Variants in ARK2C observed in about 807,000 individuals in gnomAD.
ARK2C encodes arkadia (RNF111) C-terminal like ring finger ubiquitin ligase 2C, also known as E3 ubiquitin-protein ligase ARK2C.
At chr18:46,367,780 T>C in the ARK2C span, among the ~76,000 whole-genome samples, 2 of 152,364 alleles carry the variant, frequency 1.3e-5, no homozygotes, top group Middle Eastern at 3.4e-3. Flanking sequence ...GTTAGAGGTA[T>C]GGCTCTCAAG....
the ARK2C span, among the ~76,000 whole-genome samples, chr18:46,368,315 A>T: frequency 1.3e-5 from 2 of 152,150 alleles, no homozygotes; most frequent in Non-Finnish European, 2.9e-5. Flanking sequence ...ATGTTGGTTT[A>T]AGCACTTACT....
chr18:46,406,592 G>C, the ARK2C span, among the ~76,000 whole-genome samples: 1 of 152,234 alleles, frequency 6.6e-6, no homozygotes, highest in Admixed American at 6.5e-5. Flanking sequence ...GGGTCTCCCT[G>C]CCAGGAGATG....
the ARK2C span, chr18:46,386,585 CCCATCCAT>C: frequency 6.6e-6 from 1 of 151,338 alleles, no homozygotes; most frequent in Non-Finnish European, 1.5e-5. Flanking sequence ...CACCCATCCA[CCCATCCAT>C]CCATCATTCC....
chr18:46,411,824 C>T, the ARK2C span, among the ~76,000 whole-genome samples: 6 of 152,200 alleles, frequency 3.9e-5, no homozygotes, highest in Non-Finnish European at 8.8e-5. Flanking sequence ...GGAATCACAG[C>T]CTGGGGCTGA....
chr18:46,427,479 G>C, the ARK2C span, among the ~76,000 whole-genome samples: 1 of 152,214 alleles, frequency 6.6e-6, no homozygotes, highest in Non-Finnish European at 1.5e-5. Context: ...TCATGGCAGT[G>C]GGGGAGGCTC....
chr18:46,362,233 G>A, the ARK2C span, among the ~76,000 whole-genome samples: 7 of 152,206 alleles, frequency 4.6e-5, no homozygotes, highest in Non-Finnish European at 1.5e-5. Flanking sequence ...GCAGGCCTTT[G>A]GGATGGATTC....
the ARK2C span, among the ~76,000 whole-genome samples, chr18:46,400,681 A>G: frequency 3.9e-5 from 6 of 152,154 alleles, no homozygotes; most frequent in Non-Finnish European, 7.3e-5. Flanking sequence ...CTCTCAGTGC[A>G]GTGGGCTCAG....
chr18:46,404,551 C>A, the ARK2C span, among the ~76,000 whole-genome samples: 2 of 152,036 alleles, frequency 1.3e-5, no homozygotes, highest in Admixed American at 1.3e-4. Flanking sequence ...GTCGGGAGGT[C>A]GAGACCAGCC....
the ARK2C span, among the ~76,000 whole-genome samples, chr18:46,437,936 G>A: frequency 6.6e-6 from 1 of 152,186 alleles, no homozygotes; most frequent in Non-Finnish European, 1.5e-5. Context: ...TTTCCCCTCC[G>A]GGCAACCTTG....
the ARK2C span, among the ~76,000 whole-genome samples, chr18:46,397,646 GGGGTCA>G: frequency 7.1e-6 from 1 of 141,262 alleles, no homozygotes; most frequent in African/African-American, 2.7e-5. Context: ...GTGTGTGTGT[GGGGTCA>G]TGCTGGGGCA....
the ARK2C span, chr18:46,433,365 C>T: frequency 6.2e-7 from 1 of 1,613,268 alleles, no homozygotes; most frequent in Non-Finnish European, 8.5e-7. Context: ...GCGCCCTGCA[C>T]CAGTCGCTGA....
At chr18:46,394,602 T>C in the ARK2C span, among the ~76,000 whole-genome samples, 5 of 152,232 alleles carry the variant, frequency 3.3e-5, no homozygotes, top group African/African-American at 1.2e-4. Flanking sequence ...GAGGCCCAGA[T>C]TGGGCAAATG....
chr18:46,350,554 C>T, the ARK2C span, among the ~76,000 whole-genome samples: 2 of 152,150 alleles, frequency 1.3e-5, no homozygotes, highest in Non-Finnish European at 2.9e-5. Flanking sequence ...ACCCCTGCAG[C>T]AGTTACAGCA....
chr18:46,341,199 G>T, the ARK2C span, among the ~76,000 whole-genome samples: 1 of 63,674 alleles, frequency 1.6e-5, no homozygotes, highest in Admixed American at 1.5e-4. Context: ...GTTTCTGAAG[G>T]CCTCTGGAGA....
the ARK2C span, chr18:46,457,958 G>A: frequency 3.8e-4 from 58 of 152,796 alleles, no homozygotes; most frequent in South Asian, 0.011. Flanking sequence ...GGGAGTGCCC[G>A]TGTTCCTGGT....
the ARK2C span, among the ~76,000 whole-genome samples, chr18:46,408,497 A>G: frequency 6.6e-6 from 1 of 152,190 alleles, no homozygotes; most frequent in African/African-American, 2.4e-5. Context: ...AACCCATTAA[A>G]ACCCACCAGC....
At chr18:46,361,903 T>C in the ARK2C span, among the ~76,000 whole-genome samples, 1 of 152,270 alleles carries the variant, frequency 6.6e-6, no homozygotes, top group African/African-American at 2.4e-5. Flanking sequence ...CAAATTTCCA[T>C]GATCCTATTA....
At chr18:46,410,614 G>A in the ARK2C span, among the ~76,000 whole-genome samples, 5 of 152,224 alleles carry the variant, frequency 3.3e-5, no homozygotes, top group Non-Finnish European at 5.9e-5. Context: ...ATGACCTGGA[G>A]CCATGCCCAG....
chr18:46,453,142 T>C, the ARK2C span, among the ~76,000 whole-genome samples: 1 of 152,216 alleles, frequency 6.6e-6, no homozygotes. Context: ...ACTGGATTTA[T>C]TCGTAAATGA....
Sources: allele counts gnomAD v4.1 joint callset (sites outside exome capture counted in the v4.1 genomes callset), GRCh38; gene constraint gnomAD v4.1.1; transcripts MANE v1.5; gene names NCBI Gene and HGNC (gene_info 2026-07-23, HGNC 2026-07-21).